HMGB1: variants seen among roughly 807,000 people sequenced by gnomAD.
HMGB1 encodes the protein high mobility group protein B1.
For synonymous variants in HMGB1, 81 were observed against 84.0 expected, an observed-to-expected ratio of 0.96 and a Z score of 0.19; for missense variants, 79 against 253.5, an observed-to-expected ratio of 0.31 and a Z score of 4.67.
chr13:30,562,750 C>T lies in HMGB1; in HGVS notation c.-15+53921G>A, dbSNP rs118002860. 4.6e-3 allele frequency among the ~76,000 whole-genome samples: 698 copies of T among 152,194 alleles called. 5 individuals carry two copies. The highest frequency in any genetic ancestry group is 0.015 in the African/African-American group (633 of 41,526). ...ACACATCTGAAGCTGATAGAATTGG[C>T]GCTGGGTTGGTTGGAGACGGTACGG... On this transcript the variant is annotated intron_variant, in intron 1 of 4. Coordinates refer to the HMGB1 transcript ENST00000405805.
intron 1 of HMGB1, among the ~76,000 whole-genome samples, chr13:30,556,915 G>A (rs1437937731): frequency 2.0e-5 from 3 of 152,158 alleles, no homozygotes; most frequent in Non-Finnish European, 4.4e-5. Flanking sequence ...TCAACATAAA[G>A]AAATGATAAA....
Position 30,559,369 on chromosome 13 carries a change from C to T in HMGB1, c.-15+57302G>A, listed in dbSNP as rs539707101. The stretch of plus-strand genomic sequence containing the variant: ...ATTTTACAGGGTGAACTCCCAATCC[C>T]GGTAAGATGGCCCGAGTTTCATTGC... On this transcript the variant is annotated intron_variant, in intron 1 of 4. Coordinates refer to the HMGB1 transcript ENST00000405805. This position sits in a 1 kb window ranked among gnomAD's most constrained non-coding sequence, Gnocchi z 6.6. Among the ~76,000 whole-genome samples, 1 of 152,108 alleles carries T rather than the reference C, an allele frequency of 6.6e-6. No homozygotes were observed. The highest frequency in any genetic ancestry group is 1.5e-5 in the Non-Finnish European group (1 of 68,028).
chr13:30,498,435 G>A (rs1261442648), intron 1 of HMGB1, among the ~76,000 whole-genome samples: 4 of 151,964 alleles, frequency 2.6e-5, no homozygotes, highest in Admixed American at 6.6e-5. Context: ...CAGCAGGAGC[G>A]GGAGGGGCTG....
At chr13:30,463,387 C>A in intron 2 of HMGB1, 35 bp from the exon 3 acceptor site, 1 of 1,568,648 alleles carries the variant, frequency 6.4e-7, no homozygotes, top group Admixed American at 1.9e-5. Context: ...TAAGTTGTAA[C>A]ATTTAAGTAA....
At chr13:30,605,401 A>T (rs1950447732) in intron 1 of HMGB1, among the ~76,000 whole-genome samples, 1 of 152,196 alleles carries the variant, frequency 6.6e-6, no homozygotes, top group African/African-American at 2.4e-5. Flanking sequence ...TCCGATGTTT[A>T]AAAAAGAGGA....
intron 1 of HMGB1, chr13:30,540,099 A>G (rs1390421347): frequency 6.5e-6 from 1 of 154,028 alleles, no homozygotes; most frequent in East Asian, 1.9e-4. Flanking sequence ...ATGTGGTGAG[A>G]GTCTTGTCCT....
chr13:30,536,077 T>G (rs751422101), intron 1 of HMGB1, among the ~76,000 whole-genome samples: 2 of 152,192 alleles, frequency 1.3e-5, no homozygotes, highest in African/African-American at 2.4e-5. Context: ...CAGAACTAGA[T>G]AAAAAATTAA....
At chr13:30,498,602 C>G (rs1887663991) in intron 1 of HMGB1, among the ~76,000 whole-genome samples, 1 of 150,510 alleles carries the variant, frequency 6.6e-6, no homozygotes, top group Non-Finnish European at 1.5e-5. Context: ...CCCAAATACA[C>G]AAATCTAGGC....
At chr13:30,594,834 G>T (rs1298218756) in intron 1 of HMGB1, among the ~76,000 whole-genome samples, 1 of 152,196 alleles carries the variant, frequency 6.6e-6, no homozygotes, top group African/African-American at 2.4e-5. Flanking sequence ...CCAACGGCGT[G>T]TAAGTGTTCC....
At chr13:30,524,344 A>G (rs1415222318) in intron 1 of HMGB1, among the ~76,000 whole-genome samples, 7 of 29,320 alleles carry the variant, frequency 2.4e-4, no homozygotes, top group Non-Finnish European at 5.0e-4. Context: ...TATTAAAAAA[A>G]AAAAAAAAAA....
At chr13:30,597,692 G>A (rs946469351) in intron 1 of HMGB1, among the ~76,000 whole-genome samples, 2 of 152,082 alleles carry the variant, frequency 1.3e-5, no homozygotes, top group Non-Finnish European at 2.9e-5. Flanking sequence ...CACTTTTTCT[G>A]CAAAAGGTCA....
intron 1 of HMGB1, among the ~76,000 whole-genome samples, chr13:30,578,338 A>AAAACTC: frequency 6.7e-6 from 1 of 149,982 alleles, no homozygotes. Context: ...CACTAGACAG[A>AAAACTC]AAACTCAAGA....
At chr13:30,560,347 C>A (rs1378675622) in intron 1 of HMGB1, among the ~76,000 whole-genome samples, 1 of 152,146 alleles carries the variant, frequency 6.6e-6, no homozygotes, top group Non-Finnish European at 1.5e-5. Flanking sequence ...TTGGTTTTGG[C>A]AAATATGAAG....
Position 30,458,083 on chromosome 13 carries a change from G to T in HMGB1, c.*3274C>A, listed in dbSNP as rs2137379655. On this transcript the variant is annotated 3_prime_UTR_variant, in exon 5 of 5. Coordinates refer to ENST00000341423, the MANE Select transcript of HMGB1 (RefSeq NM_002128.7). ...AAGTTAATTCTAAGACTTAAGCTGTGTACGGTGTGTGCAAATTTGCAGATA... is the reference window on the plus strand; with the variant it reads ...AAGTTAATTCTAAGACTTAAGCTGTTTACGGTGTGTGCAAATTTGCAGATA... 1 of 152,298 alleles carries T rather than the reference G, an allele frequency of 6.6e-6. No homozygotes were observed. Among genetic ancestry groups the T allele is most frequent in the Non-Finnish European group, 1.5e-5 (1 of 68,034 alleles). The allele number at this position is 152,298 out of a possible 1,614,324, so 9.4% of individuals were successfully genotyped here.
chr13:30,514,626 C>T (rs1888063160), intron 1 of HMGB1, among the ~76,000 whole-genome samples: 1 of 151,990 alleles, frequency 6.6e-6, no homozygotes, highest in Admixed American at 6.6e-5. Context: ...CTATTTCTCA[C>T]TTTTTGTTTA....
chr13:30,560,973 A>G (rs981700544), intron 1 of HMGB1, among the ~76,000 whole-genome samples: 6 of 152,030 alleles, frequency 3.9e-5, no homozygotes, highest in African/African-American at 1.4e-4. Flanking sequence ...GCATAAGATA[A>G]CAGAGCGAAG....
At position 30,461,154 on chromosome 13, in the gene HMGB1, G is replaced by C. The variant is rs2137391198; in HGVS notation, c.*203C>G. On this transcript the variant is annotated 3_prime_UTR_variant, in exon 5 of 5. Coordinates refer to ENST00000341423, the MANE Select transcript of HMGB1 (RefSeq NM_002128.7). ...CCATACTGTACCAGGCAAGGTTAGT[G>C]GCTATTGAAAATACCACCAGGACAG... The C allele has an allele frequency of 3.0e-6, 4 of 1,335,560 alleles. No homozygotes were observed. Among genetic ancestry groups the C allele is most frequent in the Admixed American group, 6.2e-5 (2 of 32,236 alleles). The allele number at this position is 1,335,560 out of a possible 1,614,324, so 82.7% of individuals were successfully genotyped here. A position where few individuals can be genotyped will look rare whatever the true frequency, so the allele number is the denominator to read the frequency against.
At chr13:30,575,911 A>T (rs1342560265) in intron 1 of HMGB1, among the ~76,000 whole-genome samples, 2 of 152,072 alleles carry the variant, frequency 1.3e-5, no homozygotes, top group African/African-American at 4.8e-5. Flanking sequence ...TCTAAAAAAA[A>T]TTCGTTTTAA....
intron 1 of HMGB1, among the ~76,000 whole-genome samples, chr13:30,558,125 T>A (rs1349948530): frequency 6.6e-6 from 1 of 152,098 alleles, no homozygotes; most frequent in African/African-American, 2.4e-5. Context: ...GAGAACAGGA[T>A]TTGAGTTGCT....
Sources: gnomAD v4.1 joint callset for allele counts (sites outside exome capture counted in the v4.1 genomes callset) on GRCh38, gnomAD v4.1.1 for gene constraint, Gnocchi (gnomAD v3.1) non-coding constraint, MANE v1.5 for transcripts, NCBI Gene and HGNC (gene_info 2026-07-23, HGNC 2026-07-21) for gene names.